Variants in CAMTA1 observed in about 807,000 individuals in gnomAD.
CAMTA1 encodes calmodulin-binding transcription activator 1.
A neutral mutation model predicts 170.9 loss-of-function variants in CAMTA1; 27 were observed. That is an observed-to-expected ratio of 0.16 (90% CI 0.12 to 0.22). The LOEUF (loss-of-function observed/expected upper bound fraction) is 0.22, where lower values mean the gene tolerates loss of function less well. Ranked by LOEUF, CAMTA1 falls within the 10% of genes least tolerant of loss-of-function variation. CAMTA1 has a pLI of 1.00. For synonymous variants in CAMTA1, 833 were observed against 891.5 expected, an observed-to-expected ratio of 0.93 and a Z score of 1.17; for missense variants, 1,619 against 2,217.2, an observed-to-expected ratio of 0.73 and a Z score of 5.42.
intron 3 of CAMTA1, among the ~76,000 whole-genome samples, chr1:6,933,834 T>A (rs1266608266): frequency 1.3e-5 from 2 of 152,184 alleles, no homozygotes; most frequent in East Asian, 3.9e-4. Flanking sequence ...CGGTGGTCTG[T>A]CTTTAAGCCA....
At chr1:7,134,089 C>T (rs1294704842) in intron 4 of CAMTA1, among the ~76,000 whole-genome samples, 1 of 152,074 alleles carries the variant, frequency 6.6e-6, no homozygotes, top group African/African-American at 2.4e-5. Flanking sequence ...TCAACTGTTC[C>T]CATTTCTATG....
chr1:7,419,925 G>C, intron 5 of CAMTA1, among the ~76,000 whole-genome samples: 1 of 151,724 alleles, frequency 6.6e-6, no homozygotes, highest in East Asian at 1.9e-4. Flanking sequence ...GTTTTGCCAC[G>C]CTGGACCACT....
At chr1:7,499,932 CAG>C (rs761029150) in intron 6 of CAMTA1, among the ~76,000 whole-genome samples, 5 of 115,028 alleles carry the variant, frequency 4.3e-5, no homozygotes, top group Non-Finnish European at 8.7e-5. Context: ...AGTGAGTGTG[CAG>C]AGAGGATGAG....
chr1:7,667,055 AT>A, intron 9 of CAMTA1, among the ~76,000 whole-genome samples: 1 of 151,944 alleles, frequency 6.6e-6, no homozygotes, highest in Non-Finnish European at 1.5e-5. Flanking sequence ...CATCCAGCTA[AT>A]TTTTGTATTT....
At chr1:7,114,463 G>A (rs1046881913) in intron 4 of CAMTA1, among the ~76,000 whole-genome samples, 22 of 142,554 alleles carry the variant, frequency 1.5e-4, no homozygotes, top group Non-Finnish European at 2.6e-4. Context: ...ACAAAAAAAA[G>A]AGAATCACAA....
intron 3 of CAMTA1, among the ~76,000 whole-genome samples, chr1:6,900,822 G>T (rs575494288): frequency 2.6e-5 from 4 of 152,312 alleles, no homozygotes; most frequent in East Asian, 3.9e-4. Context: ...TGTATTGAAA[G>T]ACTAAATAGT....
At chr1:6,997,006 C>T (rs1697363752) in intron 3 of CAMTA1, among the ~76,000 whole-genome samples, 1 of 152,134 alleles carries the variant, frequency 6.6e-6, no homozygotes, top group Admixed American at 6.5e-5. Flanking sequence ...TGTCTTTTCG[C>T]TTCCAGATGT....
In CAMTA1 at chr1:7,534,054, G is replaced by A. The variant is rs1212014805; in HGVS notation, c.510+66153G>A. On this transcript the variant is annotated intron_variant, in intron 6 of 22. Coordinates refer to ENST00000303635, the MANE Select transcript of CAMTA1 (RefSeq NM_015215.4). This position sits in a 1 kb window ranked among gnomAD's most constrained non-coding sequence, Gnocchi z 5.6. ...TCTCCTGACCCTGAACCCTGCCCTT[G>A]CCCAGCCTGGCTCTCCTGGGGGCTC... Among the ~76,000 whole-genome samples, 2 of 152,148 alleles carry A rather than the reference G, an allele frequency of 1.3e-5. No individual in the cohort carries two copies. The highest frequency in any genetic ancestry group is 6.5e-5 in the Admixed American group (1 of 15,268).
intron 3 of CAMTA1, among the ~76,000 whole-genome samples, chr1:6,895,790 C>T (rs1213909793): frequency 6.6e-6 from 1 of 152,198 alleles, no homozygotes; most frequent in Non-Finnish European, 1.5e-5. Flanking sequence ...AGACCCTCCC[C>T]CGATAGCCTG....
At chr1:7,401,230 G>A (rs1343577786) in intron 5 of CAMTA1, among the ~76,000 whole-genome samples, 1 of 151,986 alleles carries the variant, frequency 6.6e-6, no homozygotes, top group African/African-American at 2.4e-5. Context: ...TTAATGTATG[G>A]GTATACAAAT....
chr1:7,703,780 C>T (rs1053508381), intron 11 of CAMTA1, among the ~76,000 whole-genome samples: 1 of 152,190 alleles, frequency 6.6e-6, no homozygotes, highest in African/African-American at 2.4e-5. Flanking sequence ...GGCCGTGGGA[C>T]TGCAAACAGC....
intron 1 of CAMTA1, among the ~76,000 whole-genome samples, chr1:6,792,376 G>A (rs1223841598): frequency 6.7e-6 from 1 of 150,334 alleles, no homozygotes; most frequent in African/African-American, 2.4e-5. Flanking sequence ...TATGCTAGCT[G>A]TATATTTCTA....
chr1:7,367,750 A>C (rs953868878), intron 5 of CAMTA1, among the ~76,000 whole-genome samples: 11 of 152,228 alleles, frequency 7.2e-5, no homozygotes. Context: ...ATCATGAGAC[A>C]CTGGGCACTG....
At chr1:7,103,752 T>C (rs1023797047) in intron 4 of CAMTA1, among the ~76,000 whole-genome samples, 1 of 139,578 alleles carries the variant, frequency 7.2e-6, no homozygotes, top group African/African-American at 2.7e-5. Context: ...ACACAATACA[T>C]TACACACATG....
At chr1:7,003,268 C>T (rs1371616146) in intron 3 of CAMTA1, among the ~76,000 whole-genome samples, 2 of 152,204 alleles carry the variant, frequency 1.3e-5, no homozygotes, top group Admixed American at 6.5e-5. Flanking sequence ...GATACCTGCC[C>T]CACCACCACT....
chr1:7,355,936 A>G (rs563427310), intron 5 of CAMTA1, among the ~76,000 whole-genome samples: 4 of 152,390 alleles, frequency 2.6e-5, no homozygotes, highest in African/African-American at 9.6e-5. Flanking sequence ...TCATGAAAGG[A>G]CTAAGCACAA....
rs1489354972 is a variant in CAMTA1 at position 7,050,104 on chromosome 1, C to T, written c.235-41200C>T. On this transcript the variant is annotated intron_variant, in intron 3 of 22. Transcript: ENST00000303635. The surrounding 1 kb of genome is among the most constrained non-coding windows in gnomAD (Gnocchi z 4.8). ...GATTGCACTGGGAGTGTTTGAAGGT[C>T]AGCCGGGAGACTGCGAGGCAGGAGC... Among the ~76,000 whole-genome samples, 2 of 152,162 alleles carry T rather than the reference C, an allele frequency of 1.3e-5. No homozygotes were observed. The highest frequency in any genetic ancestry group is 2.1e-4 in the South Asian group (1 of 4,824).
intron 6 of CAMTA1, among the ~76,000 whole-genome samples, chr1:7,631,837 G>T (rs929698353): frequency 2.0e-5 from 3 of 152,190 alleles, no homozygotes; most frequent in African/African-American, 7.2e-5. Context: ...ACCCAAGCCT[G>T]CCAAGGCCTT....
chr1:7,513,917 C>T (rs184901658), intron 6 of CAMTA1, among the ~76,000 whole-genome samples: 1,810 of 151,912 alleles, frequency 0.012, 38 homozygotes, highest in African/African-American at 0.042. Context: ...AGTGAAACTC[C>T]GTCTCAAAAA....
Sources: gnomAD v4.1 joint callset for allele counts (sites outside exome capture counted in the v4.1 genomes callset) on GRCh38, gnomAD v4.1.1 for gene constraint, Gnocchi (gnomAD v3.1) non-coding constraint, MANE v1.5 for transcripts, NCBI Gene and HGNC (gene_info 2026-07-23, HGNC 2026-07-21) for gene names.